SLC9A2: variants seen among roughly 807,000 people sequenced by gnomAD.
The protein encoded by SLC9A2 is solute carrier family 9 member A2, also known as sodium/hydrogen exchanger 2.
In SLC9A2, 42 loss-of-function variants were observed where a neutral mutation model predicts 71.7. The observed-to-expected ratio is 0.59, with a 90% CI of 0.46 to 0.76. The LOEUF is 0.76. SLC9A2 is among the 30% of genes least tolerant of loss of function. The pLI is 0.00. For synonymous variants in SLC9A2, 396 were observed against 392.5 expected, an observed-to-expected ratio of 1.01 and a Z score of -0.10; for missense variants, 829 against 1,017.4, an observed-to-expected ratio of 0.81 and a Z score of 2.52.
At chr2:102,627,185 T>C (rs1184912996) in intron 1 of SLC9A2, among the ~76,000 whole-genome samples, 1 of 152,154 alleles carries the variant, frequency 6.6e-6, no homozygotes, top group Non-Finnish European at 1.5e-5. Context: ...TTTGGTGGCC[T>C]GTGCCTTTAG....
intron 2 of SLC9A2, among the ~76,000 whole-genome samples, chr2:102,662,260 A>G (rs1212183413): frequency 6.6e-6 from 1 of 152,230 alleles, no homozygotes; most frequent in Non-Finnish European, 1.5e-5. Flanking sequence ...TTAAGTTGCC[A>G]GGAAAATAGT....
Position 102,657,944 on chromosome 2 carries a change from G to A in SLC9A2, c.670G>A (p.Ala224Thr). 6.2e-7 allele frequency: 1 copy of A among 1,614,188 alleles called. No individual in the cohort carries two copies. Among genetic ancestry groups the A allele is most frequent in the South Asian group, 1.1e-5 (1 of 91,088 alleles). ...AGCTGTCGATCCTGTGGCTGTGCTT[G>A]CTGTCTTTGAGAACATTCACGTCAA... ...ISAVDPVAVL[A>T]VFENIHVNEQ... The change falls in exon 2 of 12, where the codon GCT (alanine) becomes ACT (threonine). Residue 224 changes from alanine to threonine, a missense_variant. Ala to Thr is a moderately conservative substitution (Grantham distance 58). This residue lies in a region of SLC9A2 where 500 missense variants were observed against 726.3 expected (regional missense o/e 0.69). Coordinates refer to ENST00000233969, the MANE Select transcript of SLC9A2 (RefSeq NM_003048.6).
chr2:102,636,968 C>G (rs1364787324), intron 1 of SLC9A2, among the ~76,000 whole-genome samples: 1 of 152,122 alleles, frequency 6.6e-6, no homozygotes, highest in Non-Finnish European at 1.5e-5. Flanking sequence ...CTTGGTCAAA[C>G]CCCTTCATCA....
chr2:102,631,997 T>C (rs11123939), intron 1 of SLC9A2, among the ~76,000 whole-genome samples: 1 of 21,728 alleles, frequency 4.6e-5, no homozygotes, highest in Non-Finnish European at 9.5e-5. Context: ...AAAGTGGGGA[T>C]ATATATATAT....
At chr2:102,654,365 G>A (rs1676894733) in intron 1 of SLC9A2, among the ~76,000 whole-genome samples, 1 of 152,016 alleles carries the variant, frequency 6.6e-6, no homozygotes, top group Non-Finnish European at 1.5e-5. Flanking sequence ...GCTTGCCAGA[G>A]GTCATAGGTA....
At chr2:102,687,625 C>G (rs1039362276) in intron 5 of SLC9A2, among the ~76,000 whole-genome samples, 20 of 152,078 alleles carry the variant, frequency 1.3e-4, no homozygotes, top group African/African-American at 4.6e-4. Flanking sequence ...TAACTATCTT[C>G]AAAAATAGGA....
At chr2:102,652,960 G>T (rs556577005) in intron 1 of SLC9A2, among the ~76,000 whole-genome samples, 12 of 152,308 alleles carry the variant, frequency 7.9e-5, no homozygotes, top group African/African-American at 2.9e-4. Flanking sequence ...ATGCACATTT[G>T]TAATGTTTTA....
At chr2:102,663,577 T>C (rs893434602) in intron 2 of SLC9A2, among the ~76,000 whole-genome samples, 3 of 152,346 alleles carry the variant, frequency 2.0e-5, no homozygotes, top group Middle Eastern at 3.4e-3. Context: ...CTCCCATGAT[T>C]GAACCTTGAA....
In SLC9A2 at chr2:102,708,564, A is replaced by C. The variant is rs1678034053; in HGVS notation, c.*75A>C. On this transcript the variant is annotated 3_prime_UTR_variant, in exon 12 of 12. Coordinates refer to ENST00000233969, the MANE Select transcript of SLC9A2 (RefSeq NM_003048.6). ...TTGTCACTCTGAAACCTGATGCAACAGTGGAATCCATGTAAAACTCTCTGT... is the reference window on the plus strand; with the variant it reads ...TTGTCACTCTGAAACCTGATGCAACCGTGGAATCCATGTAAAACTCTCTGT... The C allele has an allele frequency of 5.3e-6, 8 of 1,498,638 alleles. No homozygotes were observed. The highest frequency in any genetic ancestry group is 7.2e-6 in the Non-Finnish European group (8 of 1,110,554). 92.8% of individuals were successfully genotyped at this position (1,498,638 alleles called of 1,614,324 possible).
chr2:102,702,041 A>C (rs775924793), intron 8 of SLC9A2, among the ~76,000 whole-genome samples: 19 of 152,210 alleles, frequency 1.2e-4, no homozygotes, highest in Non-Finnish European at 2.5e-4. Context: ...AAAATATGAA[A>C]ACTTAATGGT....
At chr2:102,623,973 GT>G (rs1260499713) in intron 1 of SLC9A2, among the ~76,000 whole-genome samples, 1 of 152,054 alleles carries the variant, frequency 6.6e-6, no homozygotes, top group African/African-American at 2.4e-5. Flanking sequence ...ACAATCAGAA[GT>G]GAGAAAATCC....
intron 1 of SLC9A2, among the ~76,000 whole-genome samples, chr2:102,648,455 G>A (rs1183366106): frequency 3.9e-5 from 6 of 152,016 alleles, no homozygotes; most frequent in African/African-American, 7.3e-5. Flanking sequence ...GCCCTCTCTC[G>A]CCACTCCCAT....
chr2:102,623,381 T>G (rs1676181438), intron 1 of SLC9A2, among the ~76,000 whole-genome samples: 2 of 152,130 alleles, frequency 1.3e-5, no homozygotes, highest in African/African-American at 4.8e-5. Flanking sequence ...TTTCTCCAGA[T>G]TCGTCTGCAT....
At position 102,655,217 on chromosome 2, in the gene SLC9A2, T is replaced by A. The variant is rs1227468127; in HGVS notation, c.290-2347T>A. Among the ~76,000 whole-genome samples the A allele has an allele frequency of 1.3e-4, 19 of 151,496 alleles. 1 individual carries two copies. On this transcript the variant is annotated intron_variant, in intron 1 of 11. Coordinates refer to ENST00000233969, the MANE Select transcript of SLC9A2 (RefSeq NM_003048.6). ...TTTCTTTATACCCTTATTCTTTTTT[T>A]TTTTTTTTTGAGTTCAACTTCCATC... is the stretch of plus-strand genomic sequence containing the variant.
At chr2:102,669,671 G>C (rs1362091225) in intron 3 of SLC9A2, among the ~76,000 whole-genome samples, 1 of 152,160 alleles carries the variant, frequency 6.6e-6, no homozygotes, top group African/African-American at 2.4e-5. Flanking sequence ...TTATATTCAG[G>C]AAAATGCTCA....
rs149948931 is a variant in SLC9A2, at chr2:102,697,660, T to A, written c.1586+2547T>A. On this transcript the variant is annotated intron_variant, in intron 7 of 11. Coordinates refer to ENST00000233969, the MANE Select transcript of SLC9A2 (RefSeq NM_003048.6). ...TCATAGACATCATAGATGCTGTATA[T>A]CACAGGTAGAGCAGGGAAGTGGGTG... 6.8e-3 allele frequency among the ~76,000 whole-genome samples: 994 copies of A among 146,818 alleles called. 8 individuals carry two copies. The highest frequency in any genetic ancestry group is 0.022 in the African/African-American group (883 of 40,224).
At chr2:102,685,554 G>A (rs1677532431) in intron 5 of SLC9A2, among the ~76,000 whole-genome samples, 1 of 152,220 alleles carries the variant, frequency 6.6e-6, no homozygotes. Context: ...TTCAGTTGGT[G>A]AGAAGTGGTA....
At chr2:102,667,686 C>T (rs1677167068) in intron 3 of SLC9A2, among the ~76,000 whole-genome samples, 2 of 152,178 alleles carry the variant, frequency 1.3e-5, no homozygotes, top group South Asian at 4.1e-4. Context: ...TAATTCTCTG[C>T]TGTGGTTCGT....
chr2:102,632,027 T>G (rs1326328080), intron 1 of SLC9A2, among the ~76,000 whole-genome samples: 1 of 76,974 alleles, frequency 1.3e-5, no homozygotes, highest in African/African-American at 4.8e-5. Flanking sequence ...TATATATATA[T>G]ATATATATAT....
Sources: allele counts gnomAD v4.1 joint callset (sites outside exome capture counted in the v4.1 genomes callset), GRCh38; gene constraint gnomAD v4.1.1; regional missense constraint gnomAD v4.1.1; transcripts MANE v1.5; gene names NCBI Gene and HGNC (gene_info 2026-07-23, HGNC 2026-07-21).